ORC3: variants seen among roughly 807,000 people sequenced by gnomAD.
The protein encoded by ORC3 is origin recognition complex subunit 3.
Under a neutral mutation model 100.7 loss-of-function variants are expected in ORC3, and 78 were observed. The observed-to-expected ratio is 0.77, with a 90% CI of 0.65 to 0.94. The LOEUF (loss-of-function observed/expected upper bound fraction) is 0.94. ORC3 is among the 40% of genes least tolerant of loss of function. The probability of loss-of-function intolerance (pLI) is 0.00; values close to 1 mark genes in which losing one functional copy is unlikely to be tolerated. For missense variants in ORC3, 789 were observed against 823.9 expected (o/e 0.96, Z 0.52); for synonymous variants, 295 against 289.3 (o/e 1.02, Z -0.20).
chr6:87,610,452 G>A (rs1778660280), intron 7 of ORC3, among the ~76,000 whole-genome samples: 2 of 151,944 alleles, frequency 1.3e-5, no homozygotes, highest in South Asian at 2.1e-4. Flanking sequence ...CAGGTGATCT[G>A]CCTTCCTTAG....
chr6:87,654,376 G>T (rs1304191325), intron 14 of ORC3, among the ~76,000 whole-genome samples: 4 of 152,202 alleles, frequency 2.6e-5, no homozygotes, highest in Admixed American at 1.3e-4. Flanking sequence ...TTTCTTTCAG[G>T]TTATGTGTGG....
the ORC3 span, among the ~76,000 whole-genome samples, chr6:87,672,513 ATAGAC>A: frequency 6.6e-6 from 1 of 152,198 alleles, no homozygotes; most frequent in African/African-American, 2.4e-5. Context: ...ATGAGTAGAC[ATAGAC>A]TATTCGGGTG....
the ORC3 span, among the ~76,000 whole-genome samples, chr6:87,673,592 C>A: frequency 6.6e-6 from 1 of 151,554 alleles, no homozygotes; most frequent in Non-Finnish European, 1.5e-5. Context: ...CCTGTAATCA[C>A]AGCACTTTGG....
the ORC3 span, among the ~76,000 whole-genome samples, chr6:87,674,465 G>A: frequency 1.3e-5 from 2 of 151,522 alleles, no homozygotes; most frequent in African/African-American, 4.8e-5. Flanking sequence ...GCTATGTCTA[G>A]AAACCATGTA....
chr6:87,619,083 A>G (rs1779362005), intron 9 of ORC3, among the ~76,000 whole-genome samples: 1 of 152,178 alleles, frequency 6.6e-6, no homozygotes, highest in Non-Finnish European at 1.5e-5. Context: ...TAGAGGGAGT[A>G]AGGAAAGGCT....
chr6:87,599,345 C>CTT (rs111578013), intron 2 of ORC3, among the ~76,000 whole-genome samples: 2 of 139,716 alleles, frequency 1.4e-5, no homozygotes, highest in Non-Finnish European at 3.1e-5. Flanking sequence ...TGCTTTGTCT[C>CTT]TTTTTTTTAT....
intron 11 of ORC3, 40 bp downstream of exon 11, chr6:87,622,053 C>A: frequency 1.5e-6 from 2 of 1,350,856 alleles, no homozygotes; most frequent in Non-Finnish European, 2.1e-6. Context: ...TCTCTTTTTC[C>A]TTTCATAAAG....
chr6:87,648,568 C>T (rs1260854727), intron 13 of ORC3, among the ~76,000 whole-genome samples: 1 of 152,102 alleles, frequency 6.6e-6, no homozygotes, highest in Non-Finnish European at 1.5e-5. Context: ...AGGTTCAAAC[C>T]CCAGCTTTGC....
intron 9 of ORC3, 54 bp downstream of exon 9, chr6:87,616,481 C>T (rs2128259483): frequency 1.3e-6 from 1 of 754,440 alleles, no homozygotes; most frequent in East Asian, 2.6e-5. Context: ...AAATAATTTG[C>T]ACATTATTTC....
At chr6:87,664,638 C>A (rs553821093) in intron 17 of ORC3, 105 bp from the exon 18 acceptor site, 4 of 816,812 alleles carry the variant, frequency 4.9e-6, no homozygotes, top group East Asian at 5.3e-5. Context: ...AACCAAGATT[C>A]CATTTACTGG....
chr6:87,648,073 C>T (rs775094394), intron 13 of ORC3, among the ~76,000 whole-genome samples: 56 of 152,154 alleles, frequency 3.7e-4, no homozygotes, highest in Non-Finnish European at 6.6e-4. Context: ...TGGTGGCATG[C>T]GCCTGTAGTC....
At chr6:87,590,299 G>A (rs1776683425) in intron 1 of ORC3, 107 bp downstream of exon 1, 2 of 1,202,316 alleles carry the variant, frequency 1.7e-6, no homozygotes, top group Non-Finnish European at 2.5e-6. Context: ...CTGGAGAGGA[G>A]GGAGGGAGCG....
In ORC3 at chr6:87,663,148, AGAT is replaced by A; in HGVS notation, c.1833+7_1833+9del. On this transcript the variant is annotated splice_donor_5th_base_variant and intron_variant, in intron 17 of 19. Coordinates refer to ENST00000392844, the MANE Select transcript of ORC3 (RefSeq NM_012381.4). ...CAATCCTTACTATTATCTCAAGGTA[AGAT>A]GAACATTTAGTTTTCTGATAGTTTA... 2 of 1,606,928 alleles carry A rather than the reference AGAT, an allele frequency of 1.2e-6. No individual in the cohort carries two copies. Among genetic ancestry groups the A allele is most frequent in the Non-Finnish European group, 1.7e-6 (2 of 1,174,730 alleles).
intron 11 of ORC3, among the ~76,000 whole-genome samples, chr6:87,631,105 T>A (rs1767374233): frequency 6.6e-6 from 1 of 150,730 alleles, no homozygotes; most frequent in Non-Finnish European, 1.5e-5. Context: ...ATCAAGCTGG[T>A]CTTGAACCCC....
chr6:87,633,073 C>A (rs1365689089), intron 11 of ORC3, among the ~76,000 whole-genome samples: 5 of 152,094 alleles, frequency 3.3e-5, no homozygotes, highest in Admixed American at 3.3e-4. Flanking sequence ...CTCTCCTTAT[C>A]CAAGTAAATG....
intron 13 of ORC3, among the ~76,000 whole-genome samples, chr6:87,643,531 G>C (rs1408777195): frequency 6.6e-6 from 1 of 152,136 alleles, no homozygotes; most frequent in Non-Finnish European, 1.5e-5. Context: ...AAATTGGCTC[G>C]AAAACTGGAC....
chr6:87,633,226 T>C (rs192806158), intron 11 of ORC3, among the ~76,000 whole-genome samples: 1 of 152,346 alleles, frequency 6.6e-6, no homozygotes, highest in Admixed American at 6.5e-5. Context: ...ATATTCCCCC[T>C]GTTTAAAAGC....
chr6:87,602,954 A>AATATATATATAT lies in ORC3; in HGVS notation c.178-424_178-413dup, dbSNP rs397935596. Among the ~76,000 whole-genome samples, 361 of 95,142 alleles carry AATATATATATAT rather than the reference A, an allele frequency of 3.8e-3. 14 individuals carry two copies. The highest frequency in any genetic ancestry group is 0.011 in the Middle Eastern group (2 of 190). 62.4% of individuals were successfully genotyped at this position (95,142 alleles called of 152,430 possible). A position where few individuals can be genotyped will look rare whatever the true frequency, so the allele number is the denominator to read the frequency against. Reference sequence around the variant, plus strand: ...CGTTTATATATATATACACATATATAATATATATATATATATACATATATA... The same window carrying AATATATATATAT: ...CGTTTATATATATATACACATATATAATATATATATATATATATATATATATATACATATATA... On this transcript the variant is annotated intron_variant, in intron 3 of 19. Coordinates refer to ENST00000392844, the MANE Select transcript of ORC3 (RefSeq NM_012381.4).
At chr6:87,676,712 A>G in the ORC3 span, among the ~76,000 whole-genome samples, 1 of 150,874 alleles carries the variant, frequency 6.6e-6, no homozygotes, top group African/African-American at 2.4e-5. Context: ...CCCGGGAGGC[A>G]GAGGTTGCAG....
Sources: allele counts gnomAD v4.1 joint callset (sites outside exome capture counted in the v4.1 genomes callset), GRCh38; gene constraint gnomAD v4.1.1; transcripts MANE v1.5; gene names NCBI Gene and HGNC (gene_info 2026-07-23, HGNC 2026-07-21).